Variants in CDK19 observed in about 807,000 individuals in gnomAD.
CDK19 encodes the protein cyclin dependent kinase 19.
A neutral mutation model predicts 68.3 loss-of-function variants in CDK19; 20 were observed. The ratio of observed to expected loss-of-function variants is 0.29; its 90% CI spans 0.21 to 0.43. The LOEUF (loss-of-function observed/expected upper bound fraction) is 0.43. Among genes scored for constraint, CDK19 ranks in the 20% least tolerant of loss-of-function variants. CDK19 has a pLI of 1.00. For synonymous variants in CDK19, 221 were observed against 222.8 expected (o/e 0.99, Z 0.07); for missense variants, 339 against 623.5 (o/e 0.54, Z 4.86).
chr6:110,699,700 C>T (rs1232719448), intron 2 of CDK19, among the ~76,000 whole-genome samples: 4 of 152,112 alleles, frequency 2.6e-5, no homozygotes, highest in African/African-American at 7.2e-5. Context: ...CCAAAAACTA[C>T]TTGTACCCCA....
At chr6:110,680,725 A>G (rs1162318917) in intron 2 of CDK19, among the ~76,000 whole-genome samples, 2 of 152,200 alleles carry the variant, frequency 1.3e-5, no homozygotes, top group Non-Finnish European at 2.9e-5. Flanking sequence ...GGCTGGGTGC[A>G]GTGGCTCACA....
intron 2 of CDK19, among the ~76,000 whole-genome samples, chr6:110,684,217 C>A (rs1006034750): frequency 6.6e-6 from 1 of 151,924 alleles, no homozygotes; most frequent in Admixed American, 6.6e-5. Context: ...GCTTGCAACC[C>A]TCCTTGTCAA....
rs186653207 is a variant in CDK19, at chr6:110,788,153, T to G, written c.128+26856A>C. Among the ~76,000 whole-genome samples, 27 of 151,048 alleles carry G rather than the reference T, an allele frequency of 1.8e-4. 1 individual carries two copies. The highest frequency in any genetic ancestry group is 6.1e-4 in the African/African-American group (25 of 41,108). The stretch of plus-strand genomic sequence containing the variant: ...CCACACCTGGCCTGTTTTTTGTTTT[T>G]TTGTTGTTGTTGTTTGTTTGTTTTT... On this transcript the variant is annotated intron_variant, in intron 1 of 12. Coordinates refer to ENST00000368911, the MANE Select transcript of CDK19 (RefSeq NM_015076.5).
chr6:110,667,424 A>C lies in CDK19; in HGVS notation c.456+10T>G. ...AAACATATTGATGAATTTAAAAGAA[A>C]AATACTTACCAAGTCTCTGTGAAGC... On this transcript the variant is annotated intron_variant, in intron 4 of 12. Transcript: ENST00000368911. 7 of 1,537,222 alleles carry C rather than the reference A, an allele frequency of 4.6e-6. No homozygotes were observed. Among genetic ancestry groups the C allele is most frequent in the Non-Finnish European group, 6.2e-6 (7 of 1,136,484 alleles).
intron 2 of CDK19, among the ~76,000 whole-genome samples, chr6:110,701,724 A>G (rs1396382929): frequency 1.3e-5 from 2 of 152,214 alleles, no homozygotes; most frequent in African/African-American, 4.8e-5. Flanking sequence ...TTCACTGATC[A>G]GATTGGGAAA....
In CDK19 at chr6:110,815,374, G is replaced by A. The variant is rs1366587228; in HGVS notation, c.-238C>T. The stretch of plus-strand genomic sequence containing the variant: ...CTCCGCGACGGCGGCGGCGGCTCCC[G>A]CAGGCACCCCCAGTCCCGCCTCCCT... On this transcript the variant is annotated 5_prime_UTR_variant, in exon 1 of 13. Transcript: ENST00000368911. The A allele has an allele frequency of 1.1e-5, 4 of 376,514 alleles. No individual in the cohort carries two copies. In the Admixed American group the frequency reaches 1.5e-4, roughly 14 times the overall value. 23.3% of individuals were successfully genotyped at this position (376,514 alleles called of 1,614,324 possible).
At chr6:110,694,552 A>G (rs1773313627) in intron 2 of CDK19, among the ~76,000 whole-genome samples, 1 of 152,178 alleles carries the variant, frequency 6.6e-6, no homozygotes, top group Admixed American at 6.5e-5. Flanking sequence ...ATGGCAACAC[A>G]GTAATAGTGG....
chr6:110,804,244 AT>A (rs1782523249), intron 1 of CDK19, among the ~76,000 whole-genome samples: 1 of 152,220 alleles, frequency 6.6e-6, no homozygotes, highest in African/African-American at 2.4e-5. Flanking sequence ...ACTGAAAAAA[AT>A]GTTTTTAAAT....
chr6:110,736,125 T>C (rs1777232961), intron 2 of CDK19, among the ~76,000 whole-genome samples: 1 of 152,142 alleles, frequency 6.6e-6, no homozygotes, highest in Admixed American at 6.6e-5. Flanking sequence ...GTGGATCACC[T>C]GAAGTTGGGA....
chr6:110,798,631 A>G (rs1299766519), intron 1 of CDK19, among the ~76,000 whole-genome samples: 1 of 148,584 alleles, frequency 6.7e-6, no homozygotes, highest in Non-Finnish European at 1.5e-5. Flanking sequence ...GTCTCCAGAA[A>G]AAAAAAAAAA....
Position 110,621,021 on chromosome 6 carries a change from G to T in CDK19, c.1377+83C>A. The T allele has an allele frequency of 1.5e-6, 2 of 1,308,152 alleles. No homozygotes were observed. The highest frequency in any genetic ancestry group is 2.1e-6 in the Non-Finnish European group (2 of 947,832). The allele number at this position is 1,308,152 out of a possible 1,614,324, so 81.0% of individuals were successfully genotyped here. A position where few individuals can be genotyped will look rare whatever the true frequency, so the allele number is the denominator to read the frequency against. ...TTGCACAGTCAAATGTAAGAGTTAA[G>T]TGTTACTTAACTCTAAAAGGATCTA... On this transcript the variant is annotated intron_variant, in intron 12 of 12. Transcript: ENST00000368911. The surrounding 1 kb of genome is among the most constrained non-coding windows in gnomAD (Gnocchi z 5.4).
chr6:110,811,035 C>T (rs1057450996), intron 1 of CDK19, among the ~76,000 whole-genome samples: 1 of 152,114 alleles, frequency 6.6e-6, no homozygotes, highest in African/African-American at 2.4e-5. Flanking sequence ...ATGTGGATTA[C>T]AGGCTATCTC....
chr6:110,714,729 T>C (rs1390797033), intron 2 of CDK19, among the ~76,000 whole-genome samples: 9 of 150,120 alleles, frequency 6.0e-5, no homozygotes, highest in South Asian at 2.1e-4. Context: ...TTTCTTTTTT[T>C]TTTTTTTTTT....
At chr6:110,735,711 A>G (rs552949344) in intron 2 of CDK19, among the ~76,000 whole-genome samples, 1 of 152,376 alleles carries the variant, frequency 6.6e-6, no homozygotes, top group East Asian at 1.9e-4. Context: ...AGAACAAACT[A>G]GAATAAAAGT....
chr6:110,641,039 T>C (rs1008175395), intron 4 of CDK19, among the ~76,000 whole-genome samples: 10 of 151,978 alleles, frequency 6.6e-5, no homozygotes, highest in African/African-American at 2.4e-4. Flanking sequence ...AAGAGGAAGA[T>C]TTGGATTTGA....
chr6:110,749,757 T>A (rs1411164330), intron 1 of CDK19, among the ~76,000 whole-genome samples: 2 of 151,882 alleles, frequency 1.3e-5, no homozygotes, highest in Non-Finnish European at 2.9e-5. Flanking sequence ...TTTTGCCTCA[T>A]CATATGAATG....
chr6:110,621,501 G>T lies in CDK19; in HGVS notation c.1111-131C>A. 1 of 874,236 alleles carries T rather than the reference G, an allele frequency of 1.1e-6. No individual in the cohort carries two copies. The allele number at this position is 874,236 out of a possible 1,614,324, so 54.2% of individuals were successfully genotyped here. A position where few individuals can be genotyped will look rare whatever the true frequency, so the allele number is the denominator to read the frequency against. On this transcript the variant is annotated intron_variant, in intron 11 of 12. Coordinates refer to ENST00000368911, the MANE Select transcript of CDK19 (RefSeq NM_015076.5). This position sits in a 1 kb window ranked among gnomAD's most constrained non-coding sequence, Gnocchi z 5.4. ...CTATGTGGGACACTAGAGTGATGGG[G>T]AGGACTGGAGAATGGAGCAGCCAGG...
intron 6 of CDK19, among the ~76,000 whole-genome samples, 178 bp from the exon 7 acceptor site, chr6:110,627,323 T>TATAGGTATGTA (rs1230622804): frequency 1.3e-5 from 2 of 152,146 alleles, no homozygotes; most frequent in South Asian, 4.1e-4. Context: ...TGTGTGTATA[T>TATAGGTATGTA]ATAGGTATGT....
chr6:110,727,511 A>C (rs1776398561), intron 2 of CDK19, among the ~76,000 whole-genome samples: 1 of 152,184 alleles, frequency 6.6e-6, no homozygotes, highest in Admixed American at 6.5e-5. Context: ...GATGGAAAGA[A>C]GCATGTCATA....
Sources: allele counts gnomAD v4.1 joint callset (sites outside exome capture counted in the v4.1 genomes callset), GRCh38; gene constraint gnomAD v4.1.1; non-coding constraint Gnocchi (gnomAD v3.1); transcripts MANE v1.5; gene names NCBI Gene and HGNC (gene_info 2026-07-23, HGNC 2026-07-21).